RYR2: variants seen among roughly 807,000 people sequenced by gnomAD.
RYR2 encodes ryanodine receptor 2.
RYR2 carries 227 observed loss-of-function variants against 601.1 expected under a neutral mutation model. The ratio of observed to expected loss-of-function variants is 0.38; its 90% CI spans 0.34 to 0.42. The LOEUF (loss-of-function observed/expected upper bound fraction) is 0.42, where lower values mean the gene tolerates loss of function less well. Ranked by LOEUF, RYR2 falls within the 10% of genes least tolerant of loss-of-function variation. RYR2 has a pLI of 1.00. For missense variants in RYR2, 4,646 were observed against 6,156.5 expected (o/e 0.75, Z 8.21); for synonymous variants, 2,223 against 2,175.1 (o/e 1.02, Z -0.61).
chr1:237,699,286 CG>C (rs1184421671), intron 64 of RYR2, among the ~76,000 whole-genome samples: 1 of 152,078 alleles, frequency 6.6e-6, no homozygotes, highest in African/African-American at 2.4e-5. Flanking sequence ...TAATGTATCA[CG>C]CAGGAAAAAT....
rs148864895 is a variant in RYR2 at position 237,224,642 on chromosome 1, G to A, written c.49-45855G>A. Among the ~76,000 whole-genome samples, 114 of 152,178 alleles carry A rather than the reference G, an allele frequency of 7.5e-4. 1 individual carries two copies. The East Asian group carries it at 0.021, about 28-fold the overall frequency. ...GGAGGCCGAGGCAGGAGGATTGCTT[G>A]AGACCAATAGATCAAGACCAGCCTG... On this transcript the variant is annotated intron_variant, in intron 1 of 104. Coordinates refer to ENST00000366574, the MANE Select transcript of RYR2 (RefSeq NM_001035.3).
At chr1:237,574,676 C>T (rs955361920) in intron 29 of RYR2, among the ~76,000 whole-genome samples, 3 of 152,092 alleles carry the variant, frequency 2.0e-5, no homozygotes, top group East Asian at 3.9e-4. Context: ...ATGATGGTAA[C>T]CTGCAGGCTG....
At chr1:237,540,218 C>T (rs1669106041) in intron 25 of RYR2, among the ~76,000 whole-genome samples, 1 of 151,968 alleles carries the variant, frequency 6.6e-6, no homozygotes, top group Non-Finnish European at 1.5e-5. Context: ...AAACAATCCA[C>T]TCACTCCAAG....
At chr1:237,360,729 G>A (rs1315136076) in intron 4 of RYR2, among the ~76,000 whole-genome samples, 1 of 152,154 alleles carries the variant, frequency 6.6e-6, no homozygotes, top group Non-Finnish European at 1.5e-5. Flanking sequence ...TCAATAGAAT[G>A]TATTATTATG....
chr1:237,514,820 A>G (rs1666256428), intron 24 of RYR2, among the ~76,000 whole-genome samples: 1 of 152,198 alleles, frequency 6.6e-6, no homozygotes, highest in African/African-American at 2.4e-5. Context: ...TGGAATTATT[A>G]TAGGGACTAA....
intron 18 of RYR2, among the ~76,000 whole-genome samples, chr1:237,492,276 C>T (rs2150415272): frequency 6.6e-6 from 1 of 152,320 alleles, no homozygotes; most frequent in Middle Eastern, 3.4e-3. Context: ...AGGTGATCCA[C>T]CTGCCTTGGC....
At chr1:237,722,582 C>G (rs905761911) in intron 73 of RYR2, among the ~76,000 whole-genome samples, 1 of 151,650 alleles carries the variant, frequency 6.6e-6, no homozygotes, top group Admixed American at 6.6e-5. Flanking sequence ...TACAGGCGCC[C>G]GCCACCACGC....
At chr1:237,811,812 G>T (rs7524124) in intron 100 of RYR2, among the ~76,000 whole-genome samples, 4,235 of 152,210 alleles carry the variant, frequency 0.028, 181 homozygotes, top group African/African-American at 0.096. Context: ...CACGATTGCC[G>T]TTCTGAGGTG....
At chr1:237,133,533 A>G (rs1457541039) in intron 1 of RYR2, among the ~76,000 whole-genome samples, 2 of 152,152 alleles carry the variant, frequency 1.3e-5, no homozygotes, top group African/African-American at 2.4e-5. Flanking sequence ...GAATGTCTTT[A>G]TTGTAATTTA....
intron 3 of RYR2, among the ~76,000 whole-genome samples, chr1:237,336,667 C>T (rs1224754850): frequency 2.0e-5 from 3 of 151,010 alleles, no homozygotes; most frequent in African/African-American, 2.4e-5. Context: ...ACCAGCCTGG[C>T]CAATGTGGAG....
chr1:237,330,394 G>C (rs1696588914), intron 2 of RYR2, among the ~76,000 whole-genome samples: 1 of 152,140 alleles, frequency 6.6e-6, no homozygotes, highest in Non-Finnish European at 1.5e-5. Context: ...TTTTGTTGTT[G>C]TTGTTGTTTT....
At chr1:237,213,358 T>G (rs1406835529) in intron 1 of RYR2, among the ~76,000 whole-genome samples, 3 of 151,910 alleles carry the variant, frequency 2.0e-5, no homozygotes, top group African/African-American at 7.2e-5. Context: ...TTGAATTTTT[T>G]GTATAAATGC....
At chr1:237,625,911 A>G in intron 40 of RYR2, 107 bp downstream of exon 40, 1 of 1,276,882 alleles carries the variant, frequency 7.8e-7, no homozygotes, top group East Asian at 2.5e-5. Context: ...TTGAGTTTGC[A>G]ACTTCCAAGA....
At chr1:237,571,316 T>G (rs1672664847) in intron 29 of RYR2, among the ~76,000 whole-genome samples, 1 of 8,172 alleles carries the variant, frequency 1.2e-4, no homozygotes, top group Middle Eastern at 0.062. Flanking sequence ...TTTTCTTTTC[T>G]TTTTTTTTTT....
rs1285640968 is a variant in RYR2, at chr1:237,269,922, A to C, written c.49-575A>C. 2.0e-5 allele frequency among the ~76,000 whole-genome samples: 3 copies of C among 152,220 alleles called. No individual in the cohort carries two copies. In the East Asian group the frequency reaches 5.8e-4, roughly 29 times the overall value. On this transcript the variant is annotated intron_variant, in intron 1 of 104. Coordinates refer to ENST00000366574, the MANE Select transcript of RYR2 (RefSeq NM_001035.3). ...TTTTGGCTTTCAGAGGACTGAAATA[A>C]ATTGTCTCTCCATACATTTTTAAGC...
At chr1:237,305,082 C>T (rs1693740094) in intron 2 of RYR2, among the ~76,000 whole-genome samples, 8 of 152,124 alleles carry the variant, frequency 5.3e-5, no homozygotes. Context: ...CTTTGGCAAA[C>T]TGTAATTATT....
intron 15 of RYR2, among the ~76,000 whole-genome samples, 177 bp downstream of exon 15, chr1:237,454,751 T>G (rs1164331526): frequency 6.6e-6 from 1 of 152,194 alleles, no homozygotes; most frequent in Non-Finnish European, 1.5e-5. Flanking sequence ...TTTTTATTTA[T>G]TTATACTATC....
At chr1:237,537,238 T>C (rs543315608) in intron 25 of RYR2, among the ~76,000 whole-genome samples, 1 of 152,352 alleles carries the variant, frequency 6.6e-6, no homozygotes, top group South Asian at 2.1e-4. Context: ...GAATATTCAT[T>C]GCAGCATAGA....
Position 237,348,226 on chromosome 1 carries a change from T to A in RYR2, c.274-7739T>A, listed in dbSNP as rs1310306104. On this transcript the variant is annotated intron_variant, in intron 3 of 104. Transcript: ENST00000366574. ...GATTCGAACTCCTGGGCTCAAGCAA[T>A]CCTCTCTCAAGTAGCTTGGATAACT... Among the ~76,000 whole-genome samples, 44 of 152,080 alleles carry A rather than the reference T, an allele frequency of 2.9e-4. 1 individual carries two copies. The highest frequency in any genetic ancestry group is 2.9e-3 in the Admixed American group (44 of 15,244).
Sources: allele counts gnomAD v4.1 joint callset (sites outside exome capture counted in the v4.1 genomes callset), GRCh38; gene constraint gnomAD v4.1.1; transcripts MANE v1.5; gene names NCBI Gene and HGNC (gene_info 2026-07-23, HGNC 2026-07-21).